Variants in RUBCN observed in about 807,000 individuals in gnomAD.
RUBCN encodes the protein run domain Beclin-1-interacting and cysteine-rich domain-containing protein.
In RUBCN, 74 loss-of-function variants were observed where a neutral mutation model predicts 113.2. That is an observed-to-expected ratio of 0.65 (90% confidence interval 0.54 to 0.79). The LOEUF (loss-of-function observed/expected upper bound fraction) is 0.79, where lower values mean the gene tolerates loss of function less well. Ranked by LOEUF, RUBCN falls within the 30% of genes least tolerant of loss-of-function variation. The probability of loss-of-function intolerance (pLI) is 0.00; values close to 1 mark genes in which losing one functional copy is unlikely to be tolerated. For missense variants in RUBCN, 1,109 were observed against 1,251.7 expected (o/e 0.89, Z 1.72); for synonymous variants, 480 against 490.0 (o/e 0.98, Z 0.27).
chr3:197,724,990 G>C (rs1258334315), intron 1 of RUBCN, among the ~76,000 whole-genome samples: 2 of 152,040 alleles, frequency 1.3e-5, no homozygotes, highest in Non-Finnish European at 2.9e-5. Flanking sequence ...GACCAGCCTG[G>C]CCAACATGCA....
In RUBCN at chr3:197,672,135, GTT is replaced by G. The variant is rs1719849626; in HGVS notation, c.*2881_*2882del. The G allele has an allele frequency of 6.6e-6, 1 of 152,206 alleles. No homozygotes were observed. The highest frequency in any genetic ancestry group is 1.5e-5 in the Non-Finnish European group (1 of 68,036). The allele number at this position is 152,206 out of a possible 1,614,324, so 9.4% of individuals were successfully genotyped here. ...TAAGACTCGCACTCCTTTTATGTTA[GTT>G]CAACGAAAGCTCTAAATCCTTGGCA... On this transcript the variant is annotated 3_prime_UTR_variant, in exon 20 of 20. Coordinates refer to ENST00000296343, the MANE Select transcript of RUBCN (RefSeq NM_014687.4).
At position 197,704,684 on chromosome 3, in the gene RUBCN, C is replaced by A; in HGVS notation, c.321G>T (p.Glu107Asp). The change falls in exon 4 of 20, where the codon GAG becomes GAT. Residue 107 changes from glutamate (E) to aspartate (D), a missense_variant. Physicochemically the swap from Glu to Asp is conservative, Grantham distance 45 (BLOSUM62 2). This residue lies in a region of RUBCN where 736 missense variants were observed against 779.6 expected (regional missense o/e 0.94). Coordinates refer to ENST00000296343, the MANE Select transcript of RUBCN (RefSeq NM_014687.4). ...CACCATCAGCACTGCTCTGGTCGTT[C>A]TCGTGCACGCTGATGAACTGGGAAG... ...LHVEKFISVH[E>D]NDQSSADGAS... is the part of the protein sequence containing the mutation. 6.2e-7 allele frequency: 1 copy of A among 1,613,958 alleles called. No homozygotes were observed. The highest frequency in any genetic ancestry group is 1.1e-5 in the South Asian group (1 of 91,062).
chr3:197,682,437 G>C, intron 14 of RUBCN, 33 bp downstream of exon 14: 1 of 1,613,684 alleles, frequency 6.2e-7, no homozygotes, highest in East Asian at 2.2e-5. Flanking sequence ...GGACGGATCT[G>C]TGCTCCAAAG....
Position 197,681,350 on chromosome 3 carries a change from G to A in RUBCN, c.2209C>T (p.Arg737Trp), listed in dbSNP as rs770720829. The change falls in exon 16 of 20, where the codon CGG (arginine) becomes TGG (tryptophan). Residue 737 changes from arginine (R) to tryptophan (W), a missense_variant. Coordinates refer to ENST00000296343, the MANE Select transcript of RUBCN (RefSeq NM_014687.4). This position sits in a 1 kb window ranked among gnomAD's most constrained non-coding sequence, Gnocchi z 5.5. Reference sequence around the variant, plus strand: ...TACTTGCCCAGGTACTCACAGTACCGCAGTCGCTTGATGTAATCTGGAAAA... The same window carrying A: ...TACTTGCCCAGGTACTCACAGTACCACAGTCGCTTGATGTAATCTGGAAAA... ...RTDPDYIKRLRYCEYLGKYFC... is the reference protein window; with the variant it reads ...RTDPDYIKRLWYCEYLGKYFC... 31 of 1,611,772 alleles carry A rather than the reference G, an allele frequency of 1.9e-5. No homozygotes were observed. In the Admixed American group the frequency reaches 2.7e-4, roughly 14 times the overall value.
chr3:197,731,400 A>T (rs1336723163), intron 1 of RUBCN, among the ~76,000 whole-genome samples: 2 of 152,166 alleles, frequency 1.3e-5, no homozygotes, highest in African/African-American at 4.8e-5. Flanking sequence ...ACCTCTTTCC[A>T]CACAGACACG....
rs529961260 is a variant in RUBCN, at chr3:197,680,447, TG to T, written c.2430+681del. On this transcript the variant is annotated intron_variant, in intron 16 of 19. Coordinates refer to ENST00000296343, the MANE Select transcript of RUBCN (RefSeq NM_014687.4). ...TCTAACTCGACAAGTGGCTTCAGAC[TG>T]TCCTACGCTCTAACTGACAACTGGC... 1.1e-4 allele frequency among the ~76,000 whole-genome samples: 17 copies of T among 151,770 alleles called. No homozygotes were observed. The South Asian group carries it at 3.3e-3, about 30-fold the overall frequency.
chr3:197,711,916 A>G (rs1725012028), intron 2 of RUBCN, among the ~76,000 whole-genome samples: 1 of 152,156 alleles, frequency 6.6e-6, no homozygotes, highest in South Asian at 2.1e-4. Flanking sequence ...ATATACCTCA[A>G]TGTTAGAGTG....
chr3:197,693,777 C>T lies in RUBCN; in HGVS notation c.1724G>A (p.Arg575His), dbSNP rs761900652. ...AGAGTCAGAGAGCTGTGCCGAATCA[C>T]GTGAGCTGAACTGGGAGCTGCTGGA... Reference protein sequence around the residue: ...VTSSSSQFSSRDSAQLSDSGS... With the variant: ...VTSSSSQFSSHDSAQLSDSGS... The change falls in exon 11 of 20, where the codon CGT (arginine) becomes CAT (histidine). Residue 575 changes from arginine (R) to histidine (H), a missense_variant. Arg to His is a conservative substitution (Grantham distance 29). Coordinates refer to ENST00000296343, the MANE Select transcript of RUBCN (RefSeq NM_014687.4). 25 of 1,613,972 alleles carry T rather than the reference C, an allele frequency of 1.5e-5. No individual in the cohort carries two copies. Among genetic ancestry groups the T allele is most frequent in the South Asian group, 3.3e-5 (3 of 91,082 alleles).
chr3:197,715,237 C>T (rs908088122), intron 2 of RUBCN, among the ~76,000 whole-genome samples: 3 of 145,876 alleles, frequency 2.1e-5, no homozygotes, highest in East Asian at 2.1e-4. Context: ...TGTGGTGAGC[C>T]GAGATCGTGC....
chr3:197,735,433 G>A (rs970732500), intron 1 of RUBCN, among the ~76,000 whole-genome samples: 2 of 152,182 alleles, frequency 1.3e-5, no homozygotes, highest in African/African-American at 4.8e-5. Context: ...TAAATGTCAA[G>A]TATGACTCCC....
intron 1 of RUBCN, among the ~76,000 whole-genome samples, chr3:197,721,706 T>C (rs1025318799): frequency 2.0e-5 from 3 of 152,268 alleles, no homozygotes; most frequent in South Asian, 2.1e-4. Flanking sequence ...TTTCTACTTT[T>C]TGATATAGAT....
At chr3:197,691,271 A>C in intron 11 of RUBCN, 1 of 480,784 alleles carries the variant, frequency 2.1e-6, no homozygotes, top group Non-Finnish European at 3.8e-6. Context: ...AATGGCGTTT[A>C]GGAACTTGCA....
chr3:197,709,013 G>C (rs780951509), intron 2 of RUBCN, among the ~76,000 whole-genome samples: 3 of 152,004 alleles, frequency 2.0e-5, no homozygotes, highest in African/African-American at 7.3e-5. Flanking sequence ...AAATTCTATC[G>C]CATAGTTTAT....
At chr3:197,741,846 C>CA, upstream of RUBCN, among the ~76,000 whole-genome samples, 1 of 151,966 alleles carries the variant, frequency 6.6e-6, no homozygotes, top group Admixed American at 6.5e-5. Context: ...AAAAAAACCC[C>CA]AAAAAACTAT....
At chr3:197,692,202 C>CA (rs1352731142) in intron 11 of RUBCN, among the ~76,000 whole-genome samples, 1 of 151,946 alleles carries the variant, frequency 6.6e-6, no homozygotes, top group Non-Finnish European at 1.5e-5. Flanking sequence ...AATGAAACTT[C>CA]AATAAAAACT....
upstream of RUBCN, among the ~76,000 whole-genome samples, chr3:197,739,253 T>TG (rs113920295): frequency 0.12 from 17,912 of 149,754 alleles, 3,407 homozygotes; most frequent in African/African-American, 0.41. Context: ...TAGCCGGGCA[T>TG]GGTGGCAGAC....
intron 16 of RUBCN, 84 bp from the exon 17 acceptor site, chr3:197,677,625 C>T: frequency 7.8e-7 from 1 of 1,278,578 alleles, no homozygotes; most frequent in Non-Finnish European, 1.1e-6. Context: ...CCTTTAAACC[C>T]TGGGGTTCTA....
Position 197,697,031 on chromosome 3 carries a change from G to A in RUBCN, c.1280C>T (p.Ala427Val), listed in dbSNP as rs1027777658. ...RGAPESCNDK[A>V]KLRGPLPYSG... is the part of the protein sequence containing the mutation. ...GTAGGGCAAAGGGCCTCTCAACTTC[G>A]CCTTATCATTGCAGGATTCTAATGA... Residue 427 changes from alanine (A) to valine (V), a missense_variant, in exon 8 of 20, where the codon GCG becomes GTG. Coordinates refer to ENST00000296343, the MANE Select transcript of RUBCN (RefSeq NM_014687.4). 8.2e-6 allele frequency: 13 copies of A among 1,594,512 alleles called. No homozygotes were observed. The highest frequency in any genetic ancestry group is 2.2e-5 in the East Asian group (1 of 44,796).
intron 5 of RUBCN, 148 bp from the exon 6 acceptor site, chr3:197,702,012 T>C: frequency 1.4e-6 from 1 of 716,296 alleles, no homozygotes; most frequent in Non-Finnish European, 2.5e-6. Flanking sequence ...ACAGCAAGGC[T>C]ACCTTCTACT....
Sources: allele counts gnomAD v4.1 joint callset (sites outside exome capture counted in the v4.1 genomes callset), GRCh38; gene constraint gnomAD v4.1.1; regional missense constraint gnomAD v4.1.1; non-coding constraint Gnocchi (gnomAD v3.1); transcripts MANE v1.5; gene names NCBI Gene and HGNC (gene_info 2026-07-23, HGNC 2026-07-21).